Variants in TRIM44 observed in about 807,000 individuals in gnomAD.
TRIM44 encodes the protein tripartite motif-containing protein 44.
A neutral mutation model predicts 37.4 loss-of-function variants in TRIM44; 13 were observed. The ratio of observed to expected loss-of-function variants is 0.35; its 90% CI spans 0.23 to 0.55. The LOEUF (loss-of-function observed/expected upper bound fraction) is 0.55. Among genes scored for constraint, TRIM44 ranks in the 20% least tolerant of loss-of-function variants. TRIM44 has a pLI of 0.89. For synonymous variants in TRIM44, 175 were observed against 157.2 expected, an observed-to-expected ratio of 1.11 and a Z score of -0.85; for missense variants, 426 against 437.2, an observed-to-expected ratio of 0.97 and a Z score of 0.23.
At chr11:35,756,865 C>G (rs550427805) in intron 4 of TRIM44, among the ~76,000 whole-genome samples, 3 of 152,162 alleles carry the variant, frequency 2.0e-5, no homozygotes, top group Non-Finnish European at 4.4e-5. Context: ...CCCACTTGAT[C>G]ATGGTGGATA....
At chr11:35,683,207 C>T (rs1851539081) in intron 1 of TRIM44, among the ~76,000 whole-genome samples, 1 of 151,972 alleles carries the variant, frequency 6.6e-6, no homozygotes, top group South Asian at 2.1e-4. Flanking sequence ...TGCTATGAGA[C>T]CACAGAGATT....
intron 4 of TRIM44, among the ~76,000 whole-genome samples, chr11:35,741,874 G>T (rs1852401531): frequency 6.6e-6 from 1 of 152,098 alleles, no homozygotes. Flanking sequence ...TGCATTTAAA[G>T]ATCTCAAAAT....
At chr11:35,696,400 C>G (rs1320471513) in intron 2 of TRIM44, among the ~76,000 whole-genome samples, 1 of 151,448 alleles carries the variant, frequency 6.6e-6, no homozygotes, top group Non-Finnish European at 1.5e-5. Flanking sequence ...TCTCGGCCTC[C>G]CAAAGTGCTG....
intron 2 of TRIM44, among the ~76,000 whole-genome samples, chr11:35,723,310 C>T (rs1852131859): frequency 6.6e-6 from 1 of 152,146 alleles, no homozygotes; most frequent in South Asian, 2.1e-4. Flanking sequence ...TCTGACCATA[C>T]AGTGGTCAAA....
intron 2 of TRIM44, among the ~76,000 whole-genome samples, chr11:35,717,945 G>C (rs1852057826): frequency 6.6e-6 from 1 of 151,878 alleles, no homozygotes; most frequent in South Asian, 2.1e-4. Context: ...ATCCAGATTT[G>C]TCTCTAATCA....
In TRIM44 at chr11:35,799,460, C is replaced by G. The variant is rs1324679093; in HGVS notation, c.1008-6898C>G. 3.3e-5 allele frequency among the ~76,000 whole-genome samples: 5 copies of G among 152,298 alleles called. No individual in the cohort carries two copies. The Middle Eastern group carries it at 0.01, about 311-fold the overall frequency. On this transcript the variant is annotated intron_variant, in intron 4 of 4. Coordinates refer to ENST00000299413, the MANE Select transcript of TRIM44 (RefSeq NM_017583.6). ...TCTTCTATAGTAATCCTACTCATCTCTGGCATTTTTTCATCTTAAAAAAGC... is the reference window on the plus strand; with the variant it reads ...TCTTCTATAGTAATCCTACTCATCTGTGGCATTTTTTCATCTTAAAAAAGC...
intron 1 of TRIM44, among the ~76,000 whole-genome samples, chr11:35,675,577 A>G (rs1851451341): frequency 6.6e-6 from 1 of 152,164 alleles, no homozygotes; most frequent in Non-Finnish European, 1.5e-5. Context: ...TTTGAGACGG[A>G]GTGGCACGAT....
intron 1 of TRIM44, among the ~76,000 whole-genome samples, chr11:35,664,205 T>C (rs971750227): frequency 6.6e-5 from 10 of 152,228 alleles, no homozygotes; most frequent in African/African-American, 2.4e-4. Context: ...TCCAAGCAAG[T>C]GATACGTCTG....
chr11:35,775,799 C>G (rs1852948846), intron 4 of TRIM44, among the ~76,000 whole-genome samples: 2 of 152,192 alleles, frequency 1.3e-5, no homozygotes, highest in South Asian at 4.1e-4. Context: ...TTGAACCAGC[C>G]TCACATCCCA....
intron 2 of TRIM44, among the ~76,000 whole-genome samples, chr11:35,706,756 C>T (rs1458160627): frequency 6.6e-6 from 1 of 151,818 alleles, no homozygotes; most frequent in Non-Finnish European, 1.5e-5. Flanking sequence ...ATTGATGGGA[C>T]ATATCTCAAA....
rs1853465361 is a variant in TRIM44, at chr11:35,807,344, C to G, written c.*959C>G. On this transcript the variant is annotated 3_prime_UTR_variant, in exon 5 of 5. Coordinates refer to ENST00000299413, the MANE Select transcript of TRIM44 (RefSeq NM_017583.6). ...GAGAATTGTTCCCATTCCATGTGTT[C>G]TGAATTCAGCTCATCTCCCAGCATA... 2 of 152,234 alleles carry G rather than the reference C, an allele frequency of 1.3e-5. No homozygotes were observed. Among genetic ancestry groups the G allele is most frequent in the South Asian group, 4.2e-4 (2 of 4,806 alleles). The allele number at this position is 152,234 out of a possible 1,614,324, so 9.4% of individuals were successfully genotyped here.
chr11:35,664,320 G>A (rs1175657142), intron 1 of TRIM44, among the ~76,000 whole-genome samples: 2 of 152,244 alleles, frequency 1.3e-5, no homozygotes, highest in Non-Finnish European at 2.9e-5. Context: ...AGGGTAAGAA[G>A]ATGGAGGCCA....
intron 4 of TRIM44, among the ~76,000 whole-genome samples, chr11:35,782,479 T>C (rs1169788340): frequency 2.0e-5 from 3 of 152,164 alleles, no homozygotes; most frequent in African/African-American, 7.2e-5. Context: ...AATTTGGAGA[T>C]GAGTGACATC....
Position 35,807,561 on chromosome 11 carries a change from G to A in TRIM44, c.*1176G>A, listed in dbSNP as rs1185135946. ...TCTTACAACCAAGCTTTGTGCTCCC[G>A]AGTAAGCAGGGATGTACTAGGGGAA... On this transcript the variant is annotated 3_prime_UTR_variant, in exon 5 of 5. Transcript: ENST00000299413. The A allele has an allele frequency of 3.3e-5, 5 of 152,050 alleles. No homozygotes were observed. Among genetic ancestry groups the A allele is most frequent in the Non-Finnish European group, 5.9e-5 (4 of 68,010 alleles). 9.4% of individuals were successfully genotyped at this position (152,050 alleles called of 1,614,324 possible).
intron 2 of TRIM44, among the ~76,000 whole-genome samples, chr11:35,696,006 A>G (rs993629864): frequency 6.6e-6 from 1 of 152,212 alleles, no homozygotes. Context: ...GAGGAAAGAA[A>G]AGGCAATTTT....
chr11:35,727,649 G>C (rs1353459007), intron 3 of TRIM44, among the ~76,000 whole-genome samples: 1 of 152,030 alleles, frequency 6.6e-6, no homozygotes, highest in Admixed American at 6.6e-5. Flanking sequence ...TAATCCTTAC[G>C]TCAGCATTAA....
At chr11:35,735,092 C>T (rs1233129017) in intron 3 of TRIM44, among the ~76,000 whole-genome samples, 1 of 152,166 alleles carries the variant, frequency 6.6e-6, no homozygotes, top group East Asian at 1.9e-4. Context: ...CTAAGACGTG[C>T]CTCTATTTTG....
At chr11:35,785,436 C>G (rs1053307575) in intron 4 of TRIM44, among the ~76,000 whole-genome samples, 1 of 152,256 alleles carries the variant, frequency 6.6e-6, no homozygotes, top group African/African-American at 2.4e-5. Flanking sequence ...CCTTCTGCAG[C>G]GTTGCCTTCA....
intron 4 of TRIM44, among the ~76,000 whole-genome samples, chr11:35,785,879 A>G (rs1029460390): frequency 6.6e-6 from 1 of 152,256 alleles, no homozygotes; most frequent in East Asian, 1.9e-4. Context: ...TGCTGTGCTT[A>G]TAAGTCTGCT....
Sources: gnomAD v4.1 joint callset for allele counts (sites outside exome capture counted in the v4.1 genomes callset) on GRCh38, gnomAD v4.1.1 for gene constraint, MANE v1.5 for transcripts, NCBI Gene and HGNC (gene_info 2026-07-23, HGNC 2026-07-21) for gene names.